Variants in RGMB observed in about 807,000 individuals in gnomAD.
RGMB encodes the protein repulsive guidance molecule BMP co-receptor b, also known as repulsive guidance molecule B.
A neutral mutation model predicts 26.9 loss-of-function variants in RGMB; 16 were observed. That is an observed-to-expected ratio of 0.60 (90% CI 0.40 to 0.90). The LOEUF (loss-of-function observed/expected upper bound fraction) is 0.90, where lower values mean the gene tolerates loss of function less well. Among genes scored for constraint, RGMB ranks in the 40% least tolerant of loss-of-function variants. The pLI, the probability that RGMB is intolerant of heterozygous loss-of-function variation, is 0.00. For synonymous variants in RGMB, 225 were observed against 229.3 expected (o/e 0.98, Z 0.17); for missense variants, 512 against 573.3 (o/e 0.89, Z 1.09).
upstream of RGMB, chr5:98,769,737 A>T (rs1261571144): frequency 6.6e-6 from 1 of 152,484 alleles, no homozygotes; most frequent in African/African-American, 2.4e-5. Flanking sequence ...TGTGGGGTAT[A>T]AATCTGCCAG....
intron 2 of RGMB, 91 bp from the exon 3 acceptor site, chr5:98,792,994 T>G: frequency 9.4e-7 from 1 of 1,063,856 alleles, no homozygotes; most frequent in South Asian, 1.7e-5. Context: ...GCCATTCAGC[T>G]TCAAAATGGC....
chr5:98,794,947 C>T lies in RGMB; in HGVS notation c.*1194C>T, dbSNP rs987901725. On this transcript the variant is annotated 3_prime_UTR_variant, in exon 3 of 3. Transcript: ENST00000513185. ...GACTCGGTGTGCGGCCACTTCGGCA[C>T]TGCTTAATCCAGATATTCTTGTTAA... The T allele has an allele frequency of 1.3e-5, 2 of 152,234 alleles. No individual in the cohort carries two copies. The highest frequency in any genetic ancestry group is 4.8e-5 in the African/African-American group (2 of 41,452). 9.4% of individuals were successfully genotyped at this position (152,234 alleles called of 1,614,324 possible).
intron 2 of RGMB, chr5:98,781,156 T>C (rs1396725665): frequency 6.6e-6 from 1 of 152,256 alleles, no homozygotes; most frequent in Admixed American, 6.5e-5. Flanking sequence ...GGTATACTTT[T>C]TAAATAAATT....
In RGMB at chr5:98,774,115, C is replaced by T. The variant is rs1026620857; in HGVS notation, c.45C>T (p.Ala15=). ...CTTCCAGCGCCGCCGCTGCCGCCGC[C>T]GAGGTTGAGCAGCGCCGCAGCCCCG... ...AAPSSAAAAA[A]EVEQRRSPGL... Residue 15 remains alanine (A), a synonymous_variant, in exon 1 of 3, where the codon GCC becomes GCT. Transcript: ENST00000513185. The T allele has an allele frequency of 1.4e-5, 19 of 1,379,232 alleles. No homozygotes were observed. The highest frequency in any genetic ancestry group is 4.2e-5 in the Admixed American group (2 of 47,720). 85.4% of individuals were successfully genotyped at this position (1,379,232 alleles called of 1,614,324 possible).
chr5:98,769,589 T>C (rs1746085255), upstream of RGMB: 1 of 152,446 alleles, frequency 6.6e-6, no homozygotes, highest in Non-Finnish European at 1.5e-5. Flanking sequence ...TTTTCCCAGC[T>C]GGCAAGCGTC....
chr5:98,768,897 G>C (rs1258475542), upstream of RGMB: 1 of 152,342 alleles, frequency 6.6e-6, no homozygotes, highest in African/African-American at 2.4e-5. Flanking sequence ...GGCAGCTAGA[G>C]AACGTGGCGG....
chr5:98,782,258 G>A (rs1394924936), intron 2 of RGMB, among the ~76,000 whole-genome samples: 1 of 152,140 alleles, frequency 6.6e-6, no homozygotes, highest in East Asian at 1.9e-4. Context: ...CTAGTATGAC[G>A]TGTGCTGGTG....
chr5:98,775,821 T>C (rs1746381894), intron 1 of RGMB, among the ~76,000 whole-genome samples: 1 of 152,250 alleles, frequency 6.6e-6, no homozygotes, highest in Non-Finnish European at 1.5e-5. Flanking sequence ...AACAATGTGG[T>C]AAGCGATTTC....
At position 98,794,368 on chromosome 5, in the gene RGMB, G is replaced by C. The variant is rs1747049104; in HGVS notation, c.*615G>C. 1 of 151,970 alleles carries C rather than the reference G, an allele frequency of 6.6e-6. No individual in the cohort carries two copies. The highest frequency in any genetic ancestry group is 2.4e-5 in the African/African-American group (1 of 41,384). 9.4% of individuals were successfully genotyped at this position (151,970 alleles called of 1,614,324 possible). ...AGAGCTGTTACTTTTTCAGAAGGGG[G>C]GGTATTATTGGTATTCTGATTACTC... On this transcript the variant is annotated 3_prime_UTR_variant, in exon 3 of 3. Transcript: ENST00000513185.
At chr5:98,784,846 A>G (rs1012818802) in intron 2 of RGMB, among the ~76,000 whole-genome samples, 5 of 152,172 alleles carry the variant, frequency 3.3e-5, no homozygotes, top group African/African-American at 7.2e-5. Flanking sequence ...ATCTATGGAC[A>G]CTGTTCTTGC....
At chr5:98,775,949 G>C (rs1415276227) in intron 1 of RGMB, among the ~76,000 whole-genome samples, 1 of 152,192 alleles carries the variant, frequency 6.6e-6, no homozygotes, top group African/African-American at 2.4e-5. Context: ...TCAGATAAGG[G>C]AACCCAGCAA....
chr5:98,770,549 G>A (rs117626350), upstream of RGMB: 34 of 963,394 alleles, frequency 3.5e-5, no homozygotes, highest in Non-Finnish European at 4.6e-5. Context: ...CTCTCCCTCC[G>A]CGAGTGCATT....
chr5:98,784,172 A>G (rs1580284370), intron 2 of RGMB, among the ~76,000 whole-genome samples: 1 of 152,318 alleles, frequency 6.6e-6, no homozygotes, highest in Admixed American at 6.5e-5. Flanking sequence ...AGATGCTCTG[A>G]GGTGCCTATC....
intron 2 of RGMB, among the ~76,000 whole-genome samples, chr5:98,791,788 C>A (rs539035567): frequency 6.6e-6 from 1 of 152,142 alleles, no homozygotes; most frequent in African/African-American, 2.4e-5. Flanking sequence ...TCATAGTTGT[C>A]TTCCCTCCAC....
At chr5:98,775,559 T>C (rs1746373720) in intron 1 of RGMB, among the ~76,000 whole-genome samples, 1 of 152,208 alleles carries the variant, frequency 6.6e-6, no homozygotes, top group Non-Finnish European at 1.5e-5. Flanking sequence ...AATGTAAGTT[T>C]CATGAAATGG....
At chr5:98,783,643 G>C (rs993525649) in intron 2 of RGMB, among the ~76,000 whole-genome samples, 7 of 152,092 alleles carry the variant, frequency 4.6e-5, no homozygotes, top group African/African-American at 1.7e-4. Flanking sequence ...TGTTTAAGTG[G>C]GTTCAATAAG....
chr5:98,778,582 C>T (rs1580275750), intron 1 of RGMB, among the ~76,000 whole-genome samples: 1 of 152,268 alleles, frequency 6.6e-6, no homozygotes, highest in Middle Eastern at 3.4e-3. Flanking sequence ...AGAACAGTGT[C>T]TCTTTTCACT....
At chr5:98,785,336 A>C (rs1161393813) in intron 2 of RGMB, among the ~76,000 whole-genome samples, 1 of 152,198 alleles carries the variant, frequency 6.6e-6, no homozygotes, top group East Asian at 1.9e-4. Context: ...TTTGTGTGTA[A>C]ACCCAGCATT....
chr5:98,786,893 T>C (rs1413542928), intron 2 of RGMB, among the ~76,000 whole-genome samples: 1 of 152,154 alleles, frequency 6.6e-6, no homozygotes, highest in Non-Finnish European at 1.5e-5. Flanking sequence ...GTTAACTGTT[T>C]ACTTTAAGAG....
Sources: allele counts gnomAD v4.1 joint callset (sites outside exome capture counted in the v4.1 genomes callset), GRCh38; gene constraint gnomAD v4.1.1; transcripts MANE v1.5; gene names NCBI Gene and HGNC (gene_info 2026-07-23, HGNC 2026-07-21).